The following RANBP2 variants were observed in gnomAD, a reference collection of about 807,000 sequenced individuals.
RANBP2 encodes the protein RAN binding protein 2.
Under a neutral mutation model 303.6 loss-of-function variants are expected in RANBP2, and 57 were observed. The observed-to-expected ratio is 0.19, with a 90% CI of 0.15 to 0.23. The LOEUF (loss-of-function observed/expected upper bound fraction) is 0.23. Among genes scored for constraint, RANBP2 ranks in the 10% least tolerant of loss-of-function variants. The pLI is 1.00. For missense variants in RANBP2, 3,138 were observed against 3,780.8 expected (o/e 0.83, Z 4.46); for synonymous variants, 1,167 against 1,301.5 (o/e 0.90, Z 2.23).
chr2:109,241,257 T>TAACAAC, the RANBP2 span, among the ~76,000 whole-genome samples: 105,419 of 151,236 alleles, frequency 0.7, 36,891 homozygotes, highest in East Asian at 0.89. Flanking sequence ...CCTAAGAATA[T>TAACAAC]AACAACAACA....
the RANBP2 span, among the ~76,000 whole-genome samples, chr2:109,448,805 A>G: frequency 0.013 from 2,024 of 152,308 alleles, 47 homozygotes; most frequent in African/African-American, 0.046. Context: ...ATTGTCTTCC[A>G]CAAAACGGGT....
At chr2:109,688,762 G>A in the RANBP2 span, among the ~76,000 whole-genome samples, 5 of 133,806 alleles carry the variant, frequency 3.7e-5, no homozygotes, top group Admixed American at 7.8e-5. Flanking sequence ...CTGGGTGACG[G>A]AGCGAGACTC....
chr2:109,342,470 C>T, the RANBP2 span, among the ~76,000 whole-genome samples: 228 of 152,292 alleles, frequency 1.5e-3, no homozygotes, highest in African/African-American at 4.9e-3. Context: ...TGAAGGGGGC[C>T]CTCCATTGAA....
At chr2:108,944,171 T>A in the RANBP2 span, among the ~76,000 whole-genome samples, 3 of 152,232 alleles carry the variant, frequency 2.0e-5, no homozygotes, top group African/African-American at 7.2e-5. Flanking sequence ...TGGAGTGCAG[T>A]GGCACGATCT....
the RANBP2 span, among the ~76,000 whole-genome samples, chr2:109,306,516 A>G: frequency 3.3e-5 from 5 of 152,162 alleles, no homozygotes; most frequent in African/African-American, 1.2e-4. Flanking sequence ...GCCTCTTTGT[A>G]CATCTCCGAC....
the RANBP2 span, among the ~76,000 whole-genome samples, chr2:109,286,875 GT>G: frequency 6.6e-6 from 1 of 152,140 alleles, no homozygotes; most frequent in Non-Finnish European, 1.5e-5. Context: ...TCGTTGACCG[GT>G]CTGTCCCCAG....
At chr2:109,702,854 G>A in the RANBP2 span, among the ~76,000 whole-genome samples, 1 of 149,212 alleles carries the variant, frequency 6.7e-6, no homozygotes, top group African/African-American at 2.5e-5. Flanking sequence ...GGTTTTTCCT[G>A]GAAACAGAGG....
chr2:109,014,981 G>A, the RANBP2 span, among the ~76,000 whole-genome samples: 3 of 152,034 alleles, frequency 2.0e-5, no homozygotes, highest in South Asian at 2.1e-4. Flanking sequence ...TTAGCCAGGC[G>A]TGGTGGCACA....
the RANBP2 span, among the ~76,000 whole-genome samples, chr2:109,387,690 C>T: frequency 2.2e-4 from 34 of 152,346 alleles, no homozygotes; most frequent in African/African-American, 7.5e-4. Flanking sequence ...ATGTACTTCT[C>T]ACCATTCAAC....
chr2:109,032,147 C>CT, the RANBP2 span, among the ~76,000 whole-genome samples: 1 of 152,132 alleles, frequency 6.6e-6, no homozygotes, highest in Non-Finnish European at 1.5e-5. Context: ...GTTTTGAGCG[C>CT]TGCCCACCTT....
the RANBP2 span, among the ~76,000 whole-genome samples, chr2:109,706,543 T>C: frequency 3.3e-5 from 5 of 152,314 alleles, no homozygotes; most frequent in Middle Eastern, 3.4e-3. Flanking sequence ...TCCAGTCCCC[T>C]GAAACCTGCT....
chr2:109,442,491 A>G, the RANBP2 span, among the ~76,000 whole-genome samples: 3 of 152,162 alleles, frequency 2.0e-5, no homozygotes, highest in African/African-American at 7.2e-5. Context: ...ATATCTTTAA[A>G]ATATAATTGA....
At chr2:108,899,174 GA>G in the RANBP2 span, among the ~76,000 whole-genome samples, 3 of 146,206 alleles carry the variant, frequency 2.1e-5, no homozygotes, top group African/African-American at 8.3e-5. Flanking sequence ...AACAGCCAAA[GA>G]AAAACAACGC....
the RANBP2 span, among the ~76,000 whole-genome samples, chr2:109,653,737 T>C: frequency 6.6e-6 from 1 of 152,176 alleles, no homozygotes. Context: ...AATTCCTTCC[T>C]TGACAATATG....
chr2:108,979,104 G>A, the RANBP2 span, among the ~76,000 whole-genome samples: 11 of 152,220 alleles, frequency 7.2e-5, no homozygotes, highest in Non-Finnish European at 1.3e-4. Flanking sequence ...CTGAAAATTC[G>A]GAAACGTGGA....
the RANBP2 span, among the ~76,000 whole-genome samples, chr2:108,805,627 T>C: frequency 6.6e-6 from 1 of 151,738 alleles, no homozygotes; most frequent in Admixed American, 6.6e-5. Flanking sequence ...CTCGGGAGGC[T>C]GAGGCAGGAG....
the RANBP2 span, among the ~76,000 whole-genome samples, chr2:109,480,852 G>A: frequency 6.6e-6 from 1 of 152,184 alleles, no homozygotes; most frequent in African/African-American, 2.4e-5. Flanking sequence ...CTGTTCTCTA[G>A]CTTGGAGCTT....
chr2:109,553,010 A>T, the RANBP2 span: 1 of 1,538,308 alleles, frequency 6.5e-7, no homozygotes, highest in South Asian at 1.3e-5. Flanking sequence ...GTCTCAAGCA[A>T]ATTCTTGGAA....
the RANBP2 span, among the ~76,000 whole-genome samples, chr2:109,640,705 G>A: frequency 1.3e-5 from 2 of 152,128 alleles, no homozygotes. Flanking sequence ...CCACACTCAA[G>A]TATAAAGTAG....
Sources: allele counts gnomAD v4.1 joint callset (sites outside exome capture counted in the v4.1 genomes callset), GRCh38; gene constraint gnomAD v4.1.1; transcripts MANE v1.5; gene names NCBI Gene and HGNC (gene_info 2026-07-23, HGNC 2026-07-21).